Variants in PTGFR observed in about 807,000 individuals in gnomAD.
The protein encoded by PTGFR is prostaglandin F receptor, also known as prostaglandin F2-alpha receptor.
PTGFR carries 15 observed loss-of-function variants against 26.2 expected under a neutral mutation model. The observed-to-expected ratio is 0.57, with a 90% CI of 0.38 to 0.88. PTGFR has a LOEUF of 0.88. PTGFR is among the 40% of genes least tolerant of loss of function. The probability of loss-of-function intolerance (pLI) is 0.00; values close to 1 mark genes in which losing one functional copy is unlikely to be tolerated. For missense variants in PTGFR, 369 were observed against 427.2 expected, an observed-to-expected ratio of 0.86 and a Z score of 1.20; for synonymous variants, 165 against 151.1, an observed-to-expected ratio of 1.09 and a Z score of -0.68.
intron 1 of PTGFR, 59 bp downstream of exon 1, chr1:78,491,295 T>G (rs1649388918): frequency 6.6e-6 from 1 of 152,410 alleles, no homozygotes; most frequent in Non-Finnish European, 1.5e-5. Flanking sequence ...AGACCCAGAT[T>G]TAATCAACTC....
chr1:78,519,192 G>C (rs1477693606), intron 2 of PTGFR, among the ~76,000 whole-genome samples: 1 of 152,134 alleles, frequency 6.6e-6, no homozygotes, highest in Admixed American at 6.6e-5. Context: ...AGAGTGGAAA[G>C]CTTATCTCCC....
At chr1:78,509,437 G>T (rs1051693830) in intron 2 of PTGFR, among the ~76,000 whole-genome samples, 6 of 152,196 alleles carry the variant, frequency 3.9e-5, no homozygotes, top group African/African-American at 9.7e-5. Flanking sequence ...TTGGGGAAAT[G>T]CTGGACTAGA....
chr1:78,496,708 GT>G (rs1358159319), intron 2 of PTGFR, among the ~76,000 whole-genome samples: 3 of 152,084 alleles, frequency 2.0e-5, no homozygotes, highest in Admixed American at 6.5e-5. Context: ...TTATATTTAA[GT>G]TTTTGTCAAA....
At chr1:78,515,104 T>C (rs948254759) in intron 2 of PTGFR, among the ~76,000 whole-genome samples, 2 of 152,114 alleles carry the variant, frequency 1.3e-5, no homozygotes, top group African/African-American at 2.4e-5. Flanking sequence ...CATTGCGACA[T>C]AAGATTTGGA....
At chr1:78,503,038 A>G (rs1310418377) in intron 2 of PTGFR, among the ~76,000 whole-genome samples, 1 of 152,126 alleles carries the variant, frequency 6.6e-6, no homozygotes, top group Non-Finnish European at 1.5e-5. Context: ...AATGTAATCG[A>G]AAGTCAATTA....
At chr1:78,503,864 A>G (rs1378784193) in intron 2 of PTGFR, among the ~76,000 whole-genome samples, 1 of 152,228 alleles carries the variant, frequency 6.6e-6, no homozygotes. Context: ...AGTGGCATCA[A>G]TATTGGTTGT....
intron 2 of PTGFR, among the ~76,000 whole-genome samples, chr1:78,533,100 T>C (rs866140154): frequency 6.6e-6 from 1 of 151,996 alleles, no homozygotes; most frequent in African/African-American, 2.4e-5. Flanking sequence ...AAAACTAGAG[T>C]ATAAGAGGTA....
chr1:78,499,008 C>T (rs551153772), intron 2 of PTGFR, among the ~76,000 whole-genome samples: 175 of 152,148 alleles, frequency 1.2e-3, no homozygotes, highest in African/African-American at 3.8e-3. Context: ...TTTAGAGATA[C>T]GTTAATGTAG....
At position 78,536,610 on chromosome 1, in the gene PTGFR, C is replaced by T; in HGVS notation, c.1003C>T (p.Leu335Phe). The T allele has an allele frequency of 6.2e-7, 1 of 1,613,280 alleles. No homozygotes were observed. Among genetic ancestry groups the T allele is most frequent in the South Asian group, 1.1e-5 (1 of 91,054 alleles). ...TGTCATCAGCTTACATATTTGGGAGCTTAGTTCCATTAAAAATTCCTTAAA... is the reference window on the plus strand; with the variant it reads ...TGTCATCAGCTTACATATTTGGGAGTTTAGTTCCATTAAAAATTCCTTAAA... ...VHVISLHIWE[L>F]SSIKNSLKVA... Residue 335 changes from leucine to phenylalanine, a missense_variant, in exon 3 of 3, where the codon CTT becomes TTT. Leu to Phe is a conservative substitution (Grantham distance 22, BLOSUM62 0). Transcript: ENST00000370757.
chr1:78,499,944 T>C (rs1242865916), intron 2 of PTGFR, among the ~76,000 whole-genome samples: 1 of 152,214 alleles, frequency 6.6e-6, no homozygotes, highest in African/African-American at 2.4e-5. Flanking sequence ...CACTCAAGTA[T>C]TGAATGGGAA....
Position 78,493,528 on chromosome 1 carries a change from G to A in PTGFR, c.785G>A (p.Trp262Ter). Residue 262 changes from tryptophan to a stop codon, truncating the protein, a stop_gained, in exon 2 of 3, where the codon TGG (tryptophan) becomes TAG (stop). Transcript: ENST00000370757. LOFTEE classifies it high-confidence loss of function. ...LAIMCVSCIC[W>*]SPFLVTMANI... is the part of the protein sequence containing the mutation. ...ATAATGTGTGTCTCCTGTATTTGTT[G>A]GAGCCCATTTCTGGTAAGAGCCTGA... is the stretch of plus-strand genomic sequence containing the variant. 1 of 1,534,418 alleles carries A rather than the reference G, an allele frequency of 6.5e-7. No individual in the cohort carries two copies. The highest frequency in any genetic ancestry group is 8.7e-7 in the Non-Finnish European group (1 of 1,143,034).
At chr1:78,500,052 T>C (rs2100355319) in intron 2 of PTGFR, among the ~76,000 whole-genome samples, 1 of 148,798 alleles carries the variant, frequency 6.7e-6, no homozygotes, top group South Asian at 2.1e-4. Flanking sequence ...CACATTTTTT[T>C]CATAATGTAT....
In PTGFR at chr1:78,493,310, C is replaced by T; in HGVS notation, c.567C>T (p.Asn189=). ...IQASRTWCFY[N]TEDIKDWEDR... is the part of the protein sequence containing the mutation. The stretch of plus-strand genomic sequence containing the variant: ...CGTCGAGGACCTGGTGTTTCTACAA[C>T]ACAGAAGACATCAAAGACTGGGAAG... Residue 189 remains asparagine, a synonymous_variant, in exon 2 of 3, where the codon AAC becomes AAT. Coordinates refer to ENST00000370757, the MANE Select transcript of PTGFR (RefSeq NM_000959.4). 1 of 1,614,190 alleles carries T rather than the reference C, an allele frequency of 6.2e-7. No homozygotes were observed. Among genetic ancestry groups the T allele is most frequent in the Non-Finnish European group, 8.5e-7 (1 of 1,180,034 alleles).
intron 1 of PTGFR, 29 bp downstream of exon 1, chr1:78,491,265 T>A (rs1288377284): frequency 6.6e-6 from 1 of 152,320 alleles, no homozygotes. Flanking sequence ...CTGATCCCAA[T>A]GCATCGGCTT....
rs1020623546 is a variant in PTGFR at position 78,538,320 on chromosome 1, A to C, written c.*1633A>C. ...TCCTTCTCCTTGAGGCTTCTAAATA[A>C]ATGGCAGAATTCTTGCTGTATTGCC... On this transcript the variant is annotated 3_prime_UTR_variant, in exon 3 of 3. Transcript: ENST00000370757. 5.3e-5 allele frequency: 8 copies of C among 152,046 alleles called. No individual in the cohort carries two copies. Among genetic ancestry groups the C allele is most frequent in the African/African-American group, 1.4e-4 (6 of 41,430 alleles). The allele number at this position is 152,046 out of a possible 1,614,324, so 9.4% of individuals were successfully genotyped here. A position where few individuals can be genotyped will look rare whatever the true frequency, so the allele number is the denominator to read the frequency against.
chr1:78,514,372 G>T (rs183971079), intron 2 of PTGFR, among the ~76,000 whole-genome samples: 2 of 152,170 alleles, frequency 1.3e-5, no homozygotes, highest in African/African-American at 4.8e-5. Flanking sequence ...GGAGCTTTAA[G>T]ATTTAATGAC....
At chr1:78,510,833 G>T (rs1050692989) in intron 2 of PTGFR, among the ~76,000 whole-genome samples, 5 of 152,132 alleles carry the variant, frequency 3.3e-5, no homozygotes, top group African/African-American at 1.2e-4. Context: ...TACAATGGTG[G>T]TACAAGCATT....
At chr1:78,519,813 T>C (rs1250581515) in intron 2 of PTGFR, among the ~76,000 whole-genome samples, 1 of 152,156 alleles carries the variant, frequency 6.6e-6, no homozygotes, top group South Asian at 2.1e-4. Flanking sequence ...TTCATATACA[T>C]TGCGGTGTCT....
intron 2 of PTGFR, among the ~76,000 whole-genome samples, chr1:78,503,609 A>G (rs61769128): frequency 0.052 from 7,927 of 152,252 alleles, 248 homozygotes; most frequent in African/African-American, 0.086. Context: ...GACAAATTCT[A>G]AGACTCATGC....
Sources: gnomAD v4.1 joint callset for allele counts (sites outside exome capture counted in the v4.1 genomes callset) on GRCh38, gnomAD v4.1.1 for gene constraint, MANE v1.5 for transcripts, NCBI Gene and HGNC (gene_info 2026-07-23, HGNC 2026-07-21) for gene names.